CACNA2D1: variants seen among roughly 807,000 people sequenced by gnomAD.
CACNA2D1 encodes voltage-dependent calcium channel subunit alpha-2/delta-1.
CACNA2D1 carries 53 observed loss-of-function variants against 171.5 expected under a neutral mutation model. The observed-to-expected ratio is 0.31, with a 90% CI of 0.25 to 0.39. The LOEUF (loss-of-function observed/expected upper bound fraction) is 0.39, where lower values mean the gene tolerates loss of function less well. Among genes scored for constraint, CACNA2D1 ranks in the 10% least tolerant of loss-of-function variants. The pLI, the probability that CACNA2D1 is intolerant of heterozygous loss-of-function variation, is 1.00. For synonymous variants in CACNA2D1, 442 were observed against 443.1 expected, an observed-to-expected ratio of 1.00 and a Z score of 0.03; for missense variants, 903 against 1,299.8, an observed-to-expected ratio of 0.69 and a Z score of 4.69.
rs577892919 is a variant in CACNA2D1, at chr7:82,348,046, C to G, written c.177+1522G>C. Among the ~76,000 whole-genome samples the G allele has an allele frequency of 4.6e-5, 7 of 152,268 alleles. No homozygotes were observed. The East Asian group carries it at 1.4e-3, about 29-fold the overall frequency. On this transcript the variant is annotated intron_variant, in intron 2 of 38. Coordinates refer to ENST00000356860, the MANE Select transcript of CACNA2D1 (RefSeq NM_000722.4). ...TTTTTTAAGGCTGGGGAAGCACTCA[C>G]AGAGTAAGGGAGATGCTCCCAAGAG...
intron 12 of CACNA2D1, chr7:82,030,060 T>G (rs1409082311): frequency 2.0e-5 from 3 of 151,852 alleles, no homozygotes; most frequent in Non-Finnish European, 4.4e-5. Context: ...TAAAAGTACA[T>G]GTGATATGAA....
intron 4 of CACNA2D1, among the ~76,000 whole-genome samples, chr7:82,168,971 T>A (rs1434498056): frequency 6.6e-6 from 1 of 152,098 alleles, no homozygotes; most frequent in East Asian, 1.9e-4. Flanking sequence ...GTATTATATC[T>A]ATGCTAGGCA....
At chr7:81,982,494 T>G in intron 24 of CACNA2D1, 73 bp downstream of exon 24, 1 of 835,318 alleles carries the variant, frequency 1.2e-6, no homozygotes, top group Non-Finnish European at 2.1e-6. Flanking sequence ...AGAGCAGTCT[T>G]GACTCAATTC....
intron 28 of CACNA2D1, among the ~76,000 whole-genome samples, chr7:81,969,344 G>T (rs79012934): frequency 2.0e-5 from 3 of 151,284 alleles, no homozygotes; most frequent in Non-Finnish European, 3.0e-5. Flanking sequence ...TTTATAAGAC[G>T]TATGTCACTG....
chr7:82,170,299 C>T (rs185554180), intron 4 of CACNA2D1, among the ~76,000 whole-genome samples: 31 of 151,004 alleles, frequency 2.1e-4, no homozygotes, highest in African/African-American at 6.8e-4. Context: ...TATGGGAGAA[C>T]ATTTCAAGGG....
chr7:82,414,367 T>C (rs970308671), intron 1 of CACNA2D1, among the ~76,000 whole-genome samples: 1 of 152,306 alleles, frequency 6.6e-6, no homozygotes, highest in South Asian at 2.1e-4. Flanking sequence ...AGATGTTTAT[T>C]GCTGTACCCA....
At chr7:82,390,579 G>A (rs535183494) in intron 1 of CACNA2D1, among the ~76,000 whole-genome samples, 1 of 152,216 alleles carries the variant, frequency 6.6e-6, no homozygotes, top group South Asian at 2.1e-4. Context: ...TAGCAAGAGT[G>A]TAAAATGCTA....
intron 1 of CACNA2D1, among the ~76,000 whole-genome samples, chr7:82,405,354 A>C (rs1826909028): frequency 6.6e-6 from 1 of 152,218 alleles, no homozygotes; most frequent in Non-Finnish European, 1.5e-5. Context: ...TTAAGGTTTA[A>C]AAATGTAGAT....
At chr7:82,218,952 TA>T (rs1446126855) in intron 3 of CACNA2D1, among the ~76,000 whole-genome samples, 2 of 152,190 alleles carry the variant, frequency 1.3e-5, no homozygotes, top group African/African-American at 2.4e-5. Context: ...CATATGTGGC[TA>T]AGTTTTGCCT....
chr7:81,963,862 C>G (rs1794426081), intron 34 of CACNA2D1, among the ~76,000 whole-genome samples, 194 bp downstream of exon 34: 1 of 151,906 alleles, frequency 6.6e-6, no homozygotes. Flanking sequence ...ATATGAGAAA[C>G]TGAATAATGG....
intron 1 of CACNA2D1, among the ~76,000 whole-genome samples, chr7:82,388,655 G>C (rs1824717048): frequency 6.6e-6 from 1 of 152,172 alleles, no homozygotes; most frequent in Non-Finnish European, 1.5e-5. Flanking sequence ...AAAAAAGTTT[G>C]CTTAAAGTTT....
chr7:82,210,906 G>A (rs1800479101), intron 3 of CACNA2D1, among the ~76,000 whole-genome samples: 1 of 152,110 alleles, frequency 6.6e-6, no homozygotes, highest in Non-Finnish European at 1.5e-5. Context: ...TGCTTAATAT[G>A]TTAGGACTAG....
At chr7:82,045,755 C>A (rs1804479780) in intron 10 of CACNA2D1, among the ~76,000 whole-genome samples, 1 of 152,122 alleles carries the variant, frequency 6.6e-6, no homozygotes, top group Non-Finnish European at 1.5e-5. Context: ...AGGCTAAACA[C>A]TTGATATCCA....
At chr7:82,130,361 C>G (rs258696) in intron 5 of CACNA2D1, among the ~76,000 whole-genome samples, 41,819 of 151,514 alleles carry the variant, frequency 0.28, 5,934 homozygotes, top group East Asian at 0.43. Context: ...AGTTTCTGCA[C>G]GGTATTAAAC....
chr7:82,146,758 G>A (rs1228336245), intron 4 of CACNA2D1, among the ~76,000 whole-genome samples: 17 of 150,630 alleles, frequency 1.1e-4, no homozygotes, highest in Admixed American at 8.6e-4. Flanking sequence ...AGGCCGAGGC[G>A]GGTAGATCAC....
intron 3 of CACNA2D1, among the ~76,000 whole-genome samples, chr7:82,214,449 T>A (rs1473635368): frequency 6.6e-6 from 1 of 151,970 alleles, no homozygotes; most frequent in Non-Finnish European, 1.5e-5. Context: ...GGTGGCTTTT[T>A]TTTTTTTTCT....
chr7:82,013,414 T>C, intron 14 of CACNA2D1, 47 bp downstream of exon 14: 1 of 861,366 alleles, frequency 1.2e-6, no homozygotes, highest in South Asian at 2.1e-5. Context: ...CAGAAAAATA[T>C]CTTTTACTTG....
intron 4 of CACNA2D1, among the ~76,000 whole-genome samples, chr7:82,163,371 A>G (rs1321401000): frequency 1.3e-5 from 2 of 152,034 alleles, no homozygotes; most frequent in African/African-American, 4.8e-5. Context: ...GAATGATAAC[A>G]ATATATGTTT....
At chr7:82,387,377 T>A (rs962999659) in intron 1 of CACNA2D1, among the ~76,000 whole-genome samples, 1 of 152,202 alleles carries the variant, frequency 6.6e-6, no homozygotes, top group South Asian at 2.1e-4. Flanking sequence ...TGAATACTGT[T>A]CTTTATGTGA....
Sources: allele counts gnomAD v4.1 joint callset (sites outside exome capture counted in the v4.1 genomes callset), GRCh38; gene constraint gnomAD v4.1.1; transcripts MANE v1.5; gene names NCBI Gene and HGNC (gene_info 2026-07-23, HGNC 2026-07-21).